The following SUGCT variants were observed in gnomAD, a reference collection of about 807,000 sequenced individuals.
SUGCT encodes the protein succinyl-CoA:glutarate-CoA transferase, also known as succinyl-CoA:glutarate CoA-transferase.
Under a neutral mutation model 55.0 loss-of-function variants are expected in SUGCT, and 41 were observed. The ratio of observed to expected loss-of-function variants is 0.74; its 90% CI spans 0.58 to 0.97. SUGCT has a LOEUF of 0.97. Ranked by LOEUF, SUGCT falls within the 50% of genes least tolerant of loss-of-function variation. SUGCT has a pLI of 0.00. For synonymous variants in SUGCT, 187 were observed against 200.4 expected (o/e 0.93, Z 0.56); for missense variants, 568 against 547.8 (o/e 1.04, Z -0.37).
chr7:40,591,877 G>A (rs1324049850), intron 12 of SUGCT, among the ~76,000 whole-genome samples: 4 of 152,110 alleles, frequency 2.6e-5, no homozygotes, highest in Non-Finnish European at 4.4e-5. Context: ...TCAATATAGT[G>A]TAAACATAAC....
Position 40,518,706 on chromosome 7 carries a change from A to C in SUGCT, c.1089+22320A>C, listed in dbSNP as rs542873833. ...TCAGAGCTTCTTAGAGTAGTGGTTG[A>C]TTCCAGGGTGGGTACAGGAAACCAT... On this transcript the variant is annotated intron_variant, in intron 12 of 13. Transcript: ENST00000335693. Among the ~76,000 whole-genome samples, 38 of 152,174 alleles carry C rather than the reference A, an allele frequency of 2.5e-4. 2 individuals carry two copies. The South Asian group carries it at 7.3e-3, about 29-fold the overall frequency.
intron 12 of SUGCT, among the ~76,000 whole-genome samples, chr7:40,718,606 T>G (rs972138528): frequency 6.6e-6 from 1 of 152,248 alleles, no homozygotes; most frequent in Admixed American, 6.5e-5. Flanking sequence ...GACTGTTTAA[T>G]AATAGTCCAA....
chr7:40,786,874 A>G (rs183589597), intron 13 of SUGCT, among the ~76,000 whole-genome samples: 8 of 152,344 alleles, frequency 5.3e-5, no homozygotes, highest in African/African-American at 1.9e-4. Context: ...GACAGCAGTT[A>G]TTTACTAATT....
At chr7:40,878,907 C>T in the SUGCT span, among the ~76,000 whole-genome samples, 1 of 151,862 alleles carries the variant, frequency 6.6e-6, no homozygotes, top group Non-Finnish European at 1.5e-5. Flanking sequence ...GATTCTCCTG[C>T]CTCAGCCTCC....
At chr7:40,491,937 C>T (rs1791705426) in intron 11 of SUGCT, among the ~76,000 whole-genome samples, 1 of 151,954 alleles carries the variant, frequency 6.6e-6, no homozygotes, top group Non-Finnish European at 1.5e-5. Context: ...TTGCAGTGAG[C>T]CGAGATTGCA....
intron 6 of SUGCT, among the ~76,000 whole-genome samples, chr7:40,201,035 A>G (rs982058209): frequency 3.9e-5 from 6 of 152,146 alleles, no homozygotes; most frequent in Admixed American, 1.3e-4. Context: ...GTGTGTTCTT[A>G]TTTTCGGCAT....
chr7:40,441,059 T>C (rs1455732312), intron 9 of SUGCT, among the ~76,000 whole-genome samples: 1 of 152,210 alleles, frequency 6.6e-6, no homozygotes, highest in Non-Finnish European at 1.5e-5. Context: ...TCTGCTACTT[T>C]ATTAGAATGT....
chr7:40,226,392 G>A (rs1342128643), intron 6 of SUGCT, among the ~76,000 whole-genome samples: 1 of 152,108 alleles, frequency 6.6e-6, no homozygotes, highest in African/African-American at 2.4e-5. Context: ...AAAATGAAGT[G>A]AAATGCTGTA....
intron 6 of SUGCT, among the ~76,000 whole-genome samples, chr7:40,228,570 C>G (rs148912722): frequency 5.3e-5 from 8 of 152,060 alleles, no homozygotes; most frequent in Non-Finnish European, 1.2e-4. Context: ...TGCAGTTCCA[C>G]TAAGAGGCAT....
At chr7:40,859,753 A>G (rs1177602201) in intron 13 of SUGCT, among the ~76,000 whole-genome samples, 5 of 152,228 alleles carry the variant, frequency 3.3e-5, no homozygotes, top group African/African-American at 1.2e-4. Flanking sequence ...AAGAGCGGAG[A>G]GCAAAGCCTA....
At chr7:40,564,534 T>C (rs1796022601) in intron 12 of SUGCT, among the ~76,000 whole-genome samples, 1 of 152,264 alleles carries the variant, frequency 6.6e-6, no homozygotes, top group Admixed American at 6.5e-5. Context: ...TTTCTCTTTA[T>C]AAGAGTTAAT....
intron 9 of SUGCT, among the ~76,000 whole-genome samples, chr7:40,319,001 A>G (rs1795585730): frequency 1.3e-5 from 2 of 152,196 alleles, no homozygotes; most frequent in Admixed American, 6.5e-5. Context: ...AAAGAAATTC[A>G]GAATCTTGGC....
chr7:40,454,307 A>G (rs1789352963), intron 10 of SUGCT, among the ~76,000 whole-genome samples: 1 of 152,250 alleles, frequency 6.6e-6, no homozygotes, highest in African/African-American at 2.4e-5. Context: ...AAATGCCCGT[A>G]GATTTAGTAA....
the SUGCT span, among the ~76,000 whole-genome samples, chr7:40,976,400 T>C: frequency 6.6e-6 from 1 of 152,168 alleles, no homozygotes; most frequent in Non-Finnish European, 1.5e-5. Context: ...AAAATATCCA[T>C]GGATTAAGTG....
intron 6 of SUGCT, among the ~76,000 whole-genome samples, chr7:40,199,941 C>A (rs1420868689): frequency 6.6e-6 from 1 of 151,872 alleles, no homozygotes; most frequent in African/African-American, 2.4e-5. Context: ...TGAAGACATA[C>A]AAGGTAATGA....
intron 3 of SUGCT, among the ~76,000 whole-genome samples, chr7:40,186,127 C>A (rs1437941200): frequency 1.3e-5 from 2 of 149,580 alleles, no homozygotes; most frequent in Non-Finnish European, 3.0e-5. Context: ...TCCTTTCTTT[C>A]CTTCTTTCTT....
intron 6 of SUGCT, among the ~76,000 whole-genome samples, chr7:40,220,048 A>G (rs1562587355): frequency 6.6e-6 from 1 of 152,212 alleles, no homozygotes. Context: ...TAGGAGACAC[A>G]TGATTTATCA....
chr7:40,421,262 C>T (rs1583641919), intron 9 of SUGCT, among the ~76,000 whole-genome samples: 1 of 152,158 alleles, frequency 6.6e-6, no homozygotes, highest in South Asian at 2.1e-4. Flanking sequence ...CTTCTACTTT[C>T]CACTTTTACT....
chr7:40,176,061 G>C (rs1024231642), intron 1 of SUGCT, among the ~76,000 whole-genome samples: 1 of 151,988 alleles, frequency 6.6e-6, no homozygotes, highest in Non-Finnish European at 1.5e-5. Flanking sequence ...GCGAAACCCC[G>C]TCTCTACTAA....
Sources: allele counts gnomAD v4.1 joint callset (sites outside exome capture counted in the v4.1 genomes callset), GRCh38; gene constraint gnomAD v4.1.1; transcripts MANE v1.5; gene names NCBI Gene and HGNC (gene_info 2026-07-23, HGNC 2026-07-21).